The following DISP1 variants were observed in gnomAD, a reference collection of about 807,000 sequenced individuals.
DISP1 encodes the protein dispatched RND transporter family member 1, also known as protein dispatched homolog 1.
In DISP1, 30 loss-of-function variants were observed where a neutral mutation model predicts 37.3. The observed-to-expected ratio is 0.80, with a 90% CI of 0.60 to 1.09. The LOEUF (loss-of-function observed/expected upper bound fraction) is 1.09. Among genes scored for constraint, DISP1 ranks in the 50% least tolerant of loss-of-function variants. The pLI, the probability that DISP1 is intolerant of heterozygous loss-of-function variation, is 0.00. For synonymous variants in DISP1, 634 were observed against 690.2 expected, an observed-to-expected ratio of 0.92 and a Z score of 1.28; for missense variants, 1,598 against 1,879.5, an observed-to-expected ratio of 0.85 and a Z score of 2.77.
chr1:222,953,622 A>G (rs1184548600), intron 3 of DISP1, among the ~76,000 whole-genome samples: 1 of 152,322 alleles, frequency 6.6e-6, no homozygotes, highest in East Asian at 1.9e-4. Flanking sequence ...GTAAGATTTA[A>G]TTTTGATTTC....
At chr1:222,882,554 T>C (rs934348411) in intron 1 of DISP1, among the ~76,000 whole-genome samples, 8 of 152,214 alleles carry the variant, frequency 5.3e-5, no homozygotes, top group African/African-American at 1.9e-4. Flanking sequence ...TGCAGGTTAA[T>C]TTAAAGGGAC....
chr1:222,867,515 G>C (rs1461019196), intron 1 of DISP1, among the ~76,000 whole-genome samples: 1 of 152,080 alleles, frequency 6.6e-6, no homozygotes, highest in African/African-American at 2.4e-5. Flanking sequence ...GTACACAAAG[G>C]TTCTTTTAGT....
intron 1 of DISP1, among the ~76,000 whole-genome samples, chr1:222,857,353 C>G (rs1383912824): frequency 6.6e-6 from 1 of 152,114 alleles, no homozygotes; most frequent in Non-Finnish European, 1.5e-5. Flanking sequence ...TGGAAGCATT[C>G]CCCTTGAAAT....
chr1:222,947,446 T>C (rs1467666295), intron 3 of DISP1, among the ~76,000 whole-genome samples: 2 of 152,186 alleles, frequency 1.3e-5, no homozygotes, highest in African/African-American at 4.8e-5. Flanking sequence ...ACACAATACA[T>C]TTTATCAGTT....
intron 2 of DISP1, among the ~76,000 whole-genome samples, chr1:222,938,630 G>C (rs901504350): frequency 4.8e-4 from 73 of 151,338 alleles, no homozygotes; most frequent in African/African-American, 1.6e-3. Flanking sequence ...CTACATAGGA[G>C]GCTGAGGCAG....
intron 1 of DISP1, among the ~76,000 whole-genome samples, chr1:222,889,372 A>G (rs1415879676): frequency 1.3e-5 from 2 of 152,070 alleles, no homozygotes; most frequent in African/African-American, 4.8e-5. Flanking sequence ...GTTTTCTTCC[A>G]GGAAATGCTT....
chr1:222,958,109 C>A (rs1389867680), intron 3 of DISP1, among the ~76,000 whole-genome samples: 2 of 152,170 alleles, frequency 1.3e-5, no homozygotes, highest in African/African-American at 4.8e-5. Context: ...ATCAGATTGA[C>A]ATATTTAATT....
chr1:222,966,427 A>G (rs1676495370), intron 3 of DISP1, among the ~76,000 whole-genome samples: 1 of 152,196 alleles, frequency 6.6e-6, no homozygotes, highest in African/African-American at 2.4e-5. Context: ...GTATTTCTAA[A>G]ACTTCAAGAG....
At chr1:222,849,463 T>C (rs1668105773) in intron 1 of DISP1, among the ~76,000 whole-genome samples, 3 of 151,984 alleles carry the variant, frequency 2.0e-5, no homozygotes, top group Admixed American at 2.0e-4. Flanking sequence ...CAAATCTGTA[T>C]AACATAAACC....
rs544987517 is a variant in DISP1 at position 222,931,344 on chromosome 1, A to G, written c.-18+2774A>G. On this transcript the variant is annotated intron_variant, in intron 2 of 8. Transcript: ENST00000675850. ...GAGGTTTTGACATGTGTGAAGTATT[A>G]AACATCCATGGTATCTTTTAGACAT... Among the ~76,000 whole-genome samples the G allele has an allele frequency of 2.6e-4, 39 of 151,580 alleles. No individual in the cohort carries two copies. In the South Asian group the frequency reaches 8.1e-3, roughly 31 times the overall value.
chr1:222,936,770 AT>A (rs1673809562), intron 2 of DISP1, among the ~76,000 whole-genome samples: 1 of 61,470 alleles, frequency 1.6e-5, no homozygotes, highest in Non-Finnish European at 3.4e-5. Context: ...TATAAAAATT[AT>A]ATATATCATA....
intron 1 of DISP1, among the ~76,000 whole-genome samples, chr1:222,910,072 T>G (rs1558324302): frequency 6.6e-6 from 1 of 152,164 alleles, no homozygotes; most frequent in Non-Finnish European, 1.5e-5. Context: ...TAAACTATTA[T>G]TCAAGGATGA....
intron 1 of DISP1, among the ~76,000 whole-genome samples, chr1:222,925,117 C>T (rs1231638529): frequency 6.6e-6 from 1 of 151,930 alleles, no homozygotes; most frequent in Non-Finnish European, 1.5e-5. Flanking sequence ...AATTATGTGT[C>T]CCATGTGACA....
chr1:223,003,091 T>C lies in DISP1; in HGVS notation c.1694T>C (p.Ile565Thr), dbSNP rs1419834468. 5.6e-6 allele frequency: 9 copies of C among 1,614,106 alleles called. No individual in the cohort carries two copies. Among genetic ancestry groups the C allele is most frequent in the Non-Finnish European group, 7.6e-6 (9 of 1,180,044 alleles). Residue 565 changes from isoleucine (I) to threonine (T), a missense_variant, in exon 9 of 9, where the codon ATT (isoleucine) becomes ACT (threonine). Coordinates refer to ENST00000675850, the MANE Select transcript of DISP1 (RefSeq NM_001377229.1). The surrounding 1 kb of genome is among the most constrained non-coding windows in gnomAD (Gnocchi z 4.3). The part of the protein sequence containing the change: ...FPFMNLTALI[I>T]LVGIGADDAF... ...TTTATGAACCTCACTGCCCTCATTA[T>C]TTTGGTTGGAATTGGAGCAGATGAT...
At chr1:222,932,290 C>A (rs1673447749) in intron 2 of DISP1, among the ~76,000 whole-genome samples, 1 of 151,898 alleles carries the variant, frequency 6.6e-6, no homozygotes, top group South Asian at 2.1e-4. Context: ...TAAATCAGAA[C>A]CTCAACCTCT....
intron 3 of DISP1, among the ~76,000 whole-genome samples, chr1:222,979,334 G>T (rs937672386): frequency 3.3e-5 from 5 of 152,112 alleles, no homozygotes; most frequent in Admixed American, 6.5e-5. Context: ...GATTACTTGA[G>T]CCCAGGAAAT....
intron 1 of DISP1, among the ~76,000 whole-genome samples, chr1:222,865,907 A>G (rs1348666539): frequency 2.0e-5 from 3 of 152,014 alleles, no homozygotes; most frequent in Non-Finnish European, 1.5e-5. Context: ...TTTCCCTTGA[A>G]TTTTCCCTTA....
intron 5 of DISP1, among the ~76,000 whole-genome samples, chr1:222,991,019 C>T (rs184331373): frequency 3.3e-5 from 5 of 152,290 alleles, no homozygotes; most frequent in Admixed American, 3.3e-4. Flanking sequence ...CTGCCTTCTA[C>T]AAAATTATTC....
chr1:222,870,613 C>T (rs1349647473), intron 1 of DISP1, among the ~76,000 whole-genome samples: 10 of 152,112 alleles, frequency 6.6e-5, no homozygotes, highest in Admixed American at 2.6e-4. Flanking sequence ...TGTTCATATC[C>T]TTTGCCCACT....
Sources: gnomAD v4.1 joint callset for allele counts (sites outside exome capture counted in the v4.1 genomes callset) on GRCh38, gnomAD v4.1.1 for gene constraint, Gnocchi (gnomAD v3.1) non-coding constraint, MANE v1.5 for transcripts, NCBI Gene and HGNC (gene_info 2026-07-23, HGNC 2026-07-21) for gene names.